The following NCKAP5 variants were observed in gnomAD, a reference collection of about 807,000 sequenced individuals.
NCKAP5 encodes nck-associated protein 5.
NCKAP5 carries 92 observed loss-of-function variants against 167.0 expected under a neutral mutation model. That is an observed-to-expected ratio of 0.55 (90% CI 0.47 to 0.66). NCKAP5 has a LOEUF of 0.66. Among genes scored for constraint, NCKAP5 ranks in the 30% least tolerant of loss-of-function variants. The pLI is 0.00. For synonymous variants in NCKAP5, 891 were observed against 877.4 expected (o/e 1.02, Z -0.27); for missense variants, 2,378 against 2,315.0 (o/e 1.03, Z -0.56).
chr2:133,650,482 C>G, the NCKAP5 span, among the ~76,000 whole-genome samples: 1 of 152,008 alleles, frequency 6.6e-6, no homozygotes, highest in Non-Finnish European at 1.5e-5. Flanking sequence ...CTATGATAAC[C>G]AAAACAACAT....
At chr2:132,685,926 C>G (rs1214835099) in intron 19 of NCKAP5, among the ~76,000 whole-genome samples, 1 of 152,024 alleles carries the variant, frequency 6.6e-6, no homozygotes, top group Non-Finnish European at 1.5e-5. Flanking sequence ...GGTGTAAGAT[C>G]CTTCCCAGCA....
chr2:133,303,457 C>T (rs1680547706), intron 3 of NCKAP5, among the ~76,000 whole-genome samples: 1 of 152,066 alleles, frequency 6.6e-6, no homozygotes, highest in South Asian at 2.1e-4. Context: ...AGAAAATAGA[C>T]AAAACAGTTC....
At chr2:133,303,759 T>C (rs1680574763) in intron 3 of NCKAP5, among the ~76,000 whole-genome samples, 1 of 152,124 alleles carries the variant, frequency 6.6e-6, no homozygotes, top group African/African-American at 2.4e-5. Flanking sequence ...ACTATTTTCC[T>C]GAAATGTATC....
At chr2:133,670,369 A>T in the NCKAP5 span, among the ~76,000 whole-genome samples, 1 of 152,214 alleles carries the variant, frequency 6.6e-6, no homozygotes, top group African/African-American at 2.4e-5. Flanking sequence ...AGTTTTGAAA[A>T]AGAAGGTATG....
At chr2:133,377,024 G>A (rs1197070955) in intron 3 of NCKAP5, among the ~76,000 whole-genome samples, 2 of 152,084 alleles carry the variant, frequency 1.3e-5, no homozygotes, top group Non-Finnish European at 2.9e-5. Context: ...TAATGTTTTT[G>A]GAGTTCCCTG....
intron 9 of NCKAP5, among the ~76,000 whole-genome samples, chr2:132,873,632 A>T (rs976772409): frequency 6.6e-6 from 1 of 152,230 alleles, no homozygotes; most frequent in Non-Finnish European, 1.5e-5. Flanking sequence ...ACATTGGAAA[A>T]GGGTGAACAG....
chr2:132,897,071 T>C (rs2148895219), intron 8 of NCKAP5, among the ~76,000 whole-genome samples: 1 of 152,360 alleles, frequency 6.6e-6, no homozygotes, highest in South Asian at 2.1e-4. Context: ...AATCATAGTT[T>C]GAGGTGACAG....
chr2:133,494,752 G>A (rs1040162126), intron 3 of NCKAP5, among the ~76,000 whole-genome samples: 4 of 152,036 alleles, frequency 2.6e-5, no homozygotes, highest in African/African-American at 9.7e-5. Context: ...GCCTAGCTCT[G>A]GTATAGCCAT....
Position 133,351,677 on chromosome 2 carries a change from A to T in NCKAP5, c.70-48567T>A, listed in dbSNP as rs574227578. Among the ~76,000 whole-genome samples, 12 of 151,978 alleles carry T rather than the reference A, an allele frequency of 7.9e-5. No homozygotes were observed. The East Asian group carries it at 1.6e-3, about 20-fold the overall frequency. Reference sequence around the variant, plus strand: ...TGGCTCTCTCCTCACCTGTGCCCCCACCCCAGGACTTCCCCATCCTCCTGT... The same window carrying T: ...TGGCTCTCTCCTCACCTGTGCCCCCTCCCCAGGACTTCCCCATCCTCCTGT... On this transcript the variant is annotated intron_variant, in intron 3 of 19. Transcript: ENST00000409261.
intron 19 of NCKAP5, among the ~76,000 whole-genome samples, chr2:132,704,060 A>C (rs1226852200): frequency 6.6e-6 from 1 of 152,144 alleles, no homozygotes; most frequent in Non-Finnish European, 1.5e-5. Context: ...AGTGCTCTTG[A>C]AACTCAAGGC....
At chr2:132,709,382 G>A (rs1241284198) in intron 19 of NCKAP5, among the ~76,000 whole-genome samples, 1 of 151,850 alleles carries the variant, frequency 6.6e-6, no homozygotes, top group East Asian at 1.9e-4. Context: ...GTGGTAGAGG[G>A]GCACGATACA....
chr2:132,880,083 G>A lies in NCKAP5; in HGVS notation c.580-1167C>T, dbSNP rs535781283. On this transcript the variant is annotated intron_variant, in intron 8 of 19. Coordinates refer to ENST00000409261, the MANE Select transcript of NCKAP5 (RefSeq NM_207363.3). ...TATTGCATGTTCTCACTCATATACA[G>A]GAGCTAAAAATGTGGATGTCATAAC... Among the ~76,000 whole-genome samples the A allele has an allele frequency of 2.0e-5, 3 of 152,276 alleles. No homozygotes were observed. The East Asian group carries it at 5.8e-4, about 29-fold the overall frequency.
chr2:133,081,924 T>C (rs1363118322), intron 6 of NCKAP5, among the ~76,000 whole-genome samples: 1 of 152,160 alleles, frequency 6.6e-6, no homozygotes, highest in African/African-American at 2.4e-5. Flanking sequence ...CATGTGCAGG[T>C]ATTTTATATA....
intron 5 of NCKAP5, among the ~76,000 whole-genome samples, chr2:133,183,816 A>G (rs1399708794): frequency 6.6e-6 from 1 of 152,150 alleles, no homozygotes; most frequent in Non-Finnish European, 1.5e-5. Context: ...GTCTATATAA[A>G]AAATCCCAAG....
chr2:133,005,298 T>C (rs1193864093), intron 6 of NCKAP5, among the ~76,000 whole-genome samples: 1 of 152,218 alleles, frequency 6.6e-6, no homozygotes, highest in Admixed American at 6.5e-5. Flanking sequence ...ATTAAAGTAT[T>C]AATTTGGGGA....
rs145778732 is a variant in NCKAP5 at position 133,066,879 on chromosome 2, G to A, written c.341+63099C>T. 1.2e-4 allele frequency among the ~76,000 whole-genome samples: 18 copies of A among 152,264 alleles called. No homozygotes were observed. The East Asian group carries it at 3.1e-3, about 26-fold the overall frequency. ...GTGGCATCTATATTTCCTCCAGAGCGATTATCTCAATTTAGGTGCAACAGT... is the reference window on the plus strand; with the variant it reads ...GTGGCATCTATATTTCCTCCAGAGCAATTATCTCAATTTAGGTGCAACAGT... On this transcript the variant is annotated intron_variant, in intron 6 of 19. Coordinates refer to ENST00000409261, the MANE Select transcript of NCKAP5 (RefSeq NM_207363.3).
intron 11 of NCKAP5, among the ~76,000 whole-genome samples, chr2:132,843,112 C>G (rs947428972): frequency 6.6e-6 from 1 of 152,044 alleles, no homozygotes; most frequent in Non-Finnish European, 1.5e-5. Context: ...TCCTATGGAG[C>G]TAAGGCATAA....
Position 133,385,267 on chromosome 2 carries a change from A to T in NCKAP5, c.70-82157T>A, listed in dbSNP as rs562087083. 2.0e-4 allele frequency among the ~76,000 whole-genome samples: 31 copies of T among 152,272 alleles called. No homozygotes were observed. The South Asian group carries it at 6.4e-3, about 32-fold the overall frequency. The stretch of plus-strand genomic sequence containing the variant: ...AGTTTTTAGCATGAAGGGTTGTTGA[A>T]TTTTGTCAAAGGCCTTTTCTGCATC... On this transcript the variant is annotated intron_variant, in intron 3 of 19. Transcript: ENST00000409261.
chr2:133,283,966 A>C (rs1286761741), intron 4 of NCKAP5, among the ~76,000 whole-genome samples: 9 of 152,164 alleles, frequency 5.9e-5, no homozygotes, highest in African/African-American at 1.7e-4. Flanking sequence ...TCCAGTGATC[A>C]AATGATTTCC....
Sources: gnomAD v4.1 joint callset for allele counts (sites outside exome capture counted in the v4.1 genomes callset) on GRCh38, gnomAD v4.1.1 for gene constraint, MANE v1.5 for transcripts, NCBI Gene and HGNC (gene_info 2026-07-23, HGNC 2026-07-21) for gene names.